The following TFCP2 variants were observed in gnomAD, a reference collection of about 807,000 sequenced individuals.
TFCP2 encodes alpha-globin transcription factor CP2.
In TFCP2, 33 loss-of-function variants were observed where a neutral mutation model predicts 73.4. The ratio of observed to expected loss-of-function variants is 0.45; its 90% CI spans 0.34 to 0.60. The LOEUF (loss-of-function observed/expected upper bound fraction) is 0.60. Among genes scored for constraint, TFCP2 ranks in the 20% least tolerant of loss-of-function variants. The pLI is 0.01. For synonymous variants in TFCP2, 193 were observed against 211.6 expected (o/e 0.91, Z 0.76); for missense variants, 352 against 604.0 (o/e 0.58, Z 4.37).
chr12:51,138,289 A>G (rs548604625), intron 1 of TFCP2, among the ~76,000 whole-genome samples: 3 of 150,606 alleles, frequency 2.0e-5, no homozygotes, highest in South Asian at 2.1e-4. Context: ...TTACAGGCGC[A>G]CTCCTATAAT....
chr12:51,143,199 T>G (rs1203221367), intron 1 of TFCP2, among the ~76,000 whole-genome samples: 1 of 151,912 alleles, frequency 6.6e-6, no homozygotes, highest in African/African-American at 2.4e-5. Context: ...TAGACTTGTA[T>G]ATTGATTTGC....
chr12:51,157,981 T>G (rs923358640), intron 1 of TFCP2, among the ~76,000 whole-genome samples: 1 of 151,764 alleles, frequency 6.6e-6, no homozygotes, highest in Non-Finnish European at 1.5e-5. Context: ...CCCGACCCAT[T>G]TTAATTTTTT....
chr12:51,117,863 G>A, intron 2 of TFCP2, 116 bp from the exon 3 acceptor site: 1 of 649,558 alleles, frequency 1.5e-6, no homozygotes, highest in Non-Finnish European at 2.6e-6. Flanking sequence ...ATTAGTATTA[G>A]TAACAACAAT....
chr12:51,120,132 C>A (rs1423138662), intron 1 of TFCP2, among the ~76,000 whole-genome samples: 2 of 120,218 alleles, frequency 1.7e-5, no homozygotes, highest in Non-Finnish European at 3.2e-5. Context: ...GAGCCGAGAT[C>A]GTGGCACTGC....
intron 14 of TFCP2, 37 bp from the exon 15 acceptor site, chr12:51,095,315 T>G: frequency 5.6e-6 from 9 of 1,606,372 alleles, no homozygotes; most frequent in Non-Finnish European, 7.7e-6. Context: ...TCATCTTTAG[T>G]CACCTCTAAA....
intron 6 of TFCP2, 22 bp downstream of exon 6, chr12:51,109,099 C>T (rs751335016): frequency 1.9e-6 from 3 of 1,612,328 alleles, no homozygotes. Context: ...AATCCAAGGG[C>T]CAGCACATTG....
intron 1 of TFCP2, among the ~76,000 whole-genome samples, chr12:51,132,359 T>TTTTTTTTTC: frequency 3.5e-5 from 2 of 56,966 alleles, no homozygotes; most frequent in South Asian, 1.7e-3. Flanking sequence ...GGATTAGTCT[T>TTTTTTTTTC]TTTTTTTTTT....
intron 1 of TFCP2, among the ~76,000 whole-genome samples, chr12:51,171,900 T>G (rs1941870462): frequency 6.6e-6 from 1 of 152,158 alleles, no homozygotes; most frequent in African/African-American, 2.4e-5. Context: ...GAACCAATAT[T>G]CATCATTAAG....
At chr12:51,113,913 T>C (rs1162127034) in intron 4 of TFCP2, among the ~76,000 whole-genome samples, 1 of 152,140 alleles carries the variant, frequency 6.6e-6, no homozygotes, top group East Asian at 1.9e-4. Flanking sequence ...CTTTTTTGTA[T>C]ATGGTTGTAC....
chr12:51,149,751 C>A (rs1941382547), intron 1 of TFCP2, among the ~76,000 whole-genome samples: 1 of 152,068 alleles, frequency 6.6e-6, no homozygotes, highest in Admixed American at 6.6e-5. Context: ...AGGCATGCAT[C>A]ACCACGCTCA....
At chr12:51,121,908 C>G (rs1310976681) in intron 1 of TFCP2, among the ~76,000 whole-genome samples, 1 of 152,092 alleles carries the variant, frequency 6.6e-6, no homozygotes, top group African/African-American at 2.4e-5. Context: ...TTTATATGTA[C>G]CTATATATCT....
At chr12:51,168,266 C>T (rs183275023) in intron 1 of TFCP2, among the ~76,000 whole-genome samples, 2 of 152,004 alleles carry the variant, frequency 1.3e-5, no homozygotes, top group African/African-American at 2.4e-5. Flanking sequence ...CATGGTATCT[C>T]ATGACTGTAC....
At chr12:51,164,433 C>G (rs1032890354) in intron 1 of TFCP2, among the ~76,000 whole-genome samples, 1 of 151,630 alleles carries the variant, frequency 6.6e-6, no homozygotes, top group Admixed American at 6.6e-5. Context: ...CCTGTCTCTA[C>G]TAAAAATACA....
chr12:51,138,110 T>C (rs1371461167), intron 1 of TFCP2, among the ~76,000 whole-genome samples: 2 of 152,084 alleles, frequency 1.3e-5, no homozygotes, highest in Non-Finnish European at 2.9e-5. Flanking sequence ...TTTCTGTGTA[T>C]TTATTTATTT....
intron 1 of TFCP2, among the ~76,000 whole-genome samples, chr12:51,130,237 C>T (rs1002932450): frequency 2.0e-5 from 3 of 152,110 alleles, no homozygotes; most frequent in African/African-American, 7.2e-5. Context: ...TTTGGGAGAA[C>T]GAGGTGGGTG....
At chr12:51,165,407 G>T (rs917029411) in intron 1 of TFCP2, among the ~76,000 whole-genome samples, 10 of 150,754 alleles carry the variant, frequency 6.6e-5, no homozygotes, top group Non-Finnish European at 1.0e-4. Context: ...AACAGACACA[G>T]AAAAGATATT....
chr12:51,159,748 A>G (rs1002335122), intron 1 of TFCP2, among the ~76,000 whole-genome samples: 1 of 152,030 alleles, frequency 6.6e-6, no homozygotes, highest in Non-Finnish European at 1.5e-5. Flanking sequence ...TCAGCCTCCC[A>G]AAGTCCTGGG....
intron 4 of TFCP2, among the ~76,000 whole-genome samples, chr12:51,115,205 C>T (rs1483194605): frequency 2.0e-5 from 3 of 149,858 alleles, no homozygotes; most frequent in African/African-American, 2.5e-5. Context: ...CTGCAAGCTC[C>T]GCCTCCCGGG....
intron 1 of TFCP2, among the ~76,000 whole-genome samples, chr12:51,148,424 C>T (rs542887949): frequency 3.3e-5 from 5 of 152,242 alleles, no homozygotes; most frequent in East Asian, 1.9e-4. Flanking sequence ...ATGTGGTGGC[C>T]GGGCGTGGTG....
Sources: allele counts gnomAD v4.1 joint callset (sites outside exome capture counted in the v4.1 genomes callset), GRCh38; gene constraint gnomAD v4.1.1; transcripts MANE v1.5; gene names NCBI Gene and HGNC (gene_info 2026-07-23, HGNC 2026-07-21).